BRINP1: variants seen among roughly 807,000 people sequenced by gnomAD.
BRINP1 encodes BMP/retinoic acid-inducible neural-specific protein 1.
BRINP1 carries 17 observed loss-of-function variants against 72.9 expected under a neutral mutation model. The observed-to-expected ratio is 0.23, with a 90% confidence interval of 0.16 to 0.35. BRINP1 has a LOEUF of 0.35. Among genes scored for constraint, BRINP1 ranks in the 10% least tolerant of loss-of-function variants. The probability of loss-of-function intolerance (pLI) is 1.00; values close to 1 mark genes in which losing one functional copy is unlikely to be tolerated. For synonymous variants in BRINP1, 418 were observed against 378.5 expected, an observed-to-expected ratio of 1.10 and a Z score of -1.21; for missense variants, 850 against 1,001.6, an observed-to-expected ratio of 0.85 and a Z score of 2.04.
At chr9:119,185,428 C>T (rs905577957) in intron 7 of BRINP1, among the ~76,000 whole-genome samples, 5 of 152,208 alleles carry the variant, frequency 3.3e-5, no homozygotes, top group African/African-American at 1.2e-4. Context: ...AATATTTCCT[C>T]ACAACATCTC....
At chr9:119,274,329 C>T (rs1830633633) in intron 2 of BRINP1, among the ~76,000 whole-genome samples, 1 of 152,122 alleles carries the variant, frequency 6.6e-6, no homozygotes, top group Admixed American at 6.6e-5. Context: ...AAAACAGGAC[C>T]CTGGGGTGTG....
At chr9:119,291,080 G>A (rs980407105) in intron 2 of BRINP1, among the ~76,000 whole-genome samples, 5 of 146,806 alleles carry the variant, frequency 3.4e-5, no homozygotes, top group Non-Finnish European at 7.4e-5. Context: ...CCGAGATCGC[G>A]CCACTGCACT....
intron 2 of BRINP1, among the ~76,000 whole-genome samples, chr9:119,289,151 C>T (rs16908199): frequency 0.075 from 11,439 of 152,096 alleles, 519 homozygotes; most frequent in Middle Eastern, 0.085. Context: ...AAGCAGAGCA[C>T]GGAGATCAAG....
At chr9:119,280,335 T>C (rs1018362240) in intron 2 of BRINP1, among the ~76,000 whole-genome samples, 2 of 151,532 alleles carry the variant, frequency 1.3e-5, no homozygotes, top group African/African-American at 4.9e-5. Flanking sequence ...CTCTCCTGGG[T>C]TCATACCATT....
At chr9:119,178,771 T>G (rs1829519123) in intron 7 of BRINP1, among the ~76,000 whole-genome samples, 1 of 152,202 alleles carries the variant, frequency 6.6e-6, no homozygotes, top group Admixed American at 6.5e-5. Context: ...GGTATCTGAA[T>G]GTGGAGTACC....
intron 1 of BRINP1, among the ~76,000 whole-genome samples, chr9:119,357,419 G>T (rs890952569): frequency 4.0e-5 from 6 of 151,812 alleles, no homozygotes; most frequent in Admixed American, 3.9e-4. Context: ...CTCCCAGGAA[G>T]AATAAGATTC....
rs1254803243 is a variant in BRINP1 at position 119,368,249 on chromosome 9, T to C, written c.-51+807A>G. 2.0e-5 allele frequency among the ~76,000 whole-genome samples: 3 copies of C among 152,206 alleles called. No individual in the cohort carries two copies. Among genetic ancestry groups the C allele is most frequent in the African/African-American group, 7.2e-5 (3 of 41,450 alleles). The stretch of plus-strand genomic sequence containing the variant: ...AAGCCCCAGATAAGGAGCCCACCGC[T>C]GACTTCCCCCTTTCTCTGTCACCCA... On this transcript the variant is annotated intron_variant, in intron 1 of 7. Coordinates refer to ENST00000265922, the MANE Select transcript of BRINP1 (RefSeq NM_014618.3). The surrounding 1 kb of genome is among the most constrained non-coding windows in gnomAD (Gnocchi z 4.7).
chr9:119,360,834 G>T (rs116213155), intron 1 of BRINP1, among the ~76,000 whole-genome samples: 8 of 152,114 alleles, frequency 5.3e-5, no homozygotes, highest in Non-Finnish European at 1.2e-4. Context: ...CCTTACAAAG[G>T]GTTCTAGCTG....
chr9:119,293,213 G>A (rs1830839972), intron 2 of BRINP1, among the ~76,000 whole-genome samples: 2 of 151,894 alleles, frequency 1.3e-5, no homozygotes, highest in Admixed American at 1.3e-4. Context: ...GCGGGAAAAG[G>A]TGCTAAAATA....
At chr9:119,353,597 T>C (rs1476623932) in intron 1 of BRINP1, among the ~76,000 whole-genome samples, 1 of 152,140 alleles carries the variant, frequency 6.6e-6, no homozygotes, top group African/African-American at 2.4e-5. Context: ...TTAAGAAAAC[T>C]GTTGCTTAGA....
At chr9:119,184,499 G>A (rs1387993315) in intron 7 of BRINP1, among the ~76,000 whole-genome samples, 1 of 152,188 alleles carries the variant, frequency 6.6e-6, no homozygotes, top group African/African-American at 2.4e-5. Context: ...TTGTGGGCTT[G>A]TGCCTCTTAT....
intron 7 of BRINP1, among the ~76,000 whole-genome samples, chr9:119,191,016 C>T (rs1007296169): frequency 4.0e-5 from 6 of 151,852 alleles, no homozygotes; most frequent in African/African-American, 1.4e-4. Flanking sequence ...ATCACATTAA[C>T]AGAATAAAAG....
intron 5 of BRINP1, among the ~76,000 whole-genome samples, chr9:119,222,935 C>T (rs1830055614): frequency 6.6e-6 from 1 of 151,920 alleles, no homozygotes; most frequent in African/African-American, 2.4e-5. Context: ...AGTCATGATA[C>T]AAACCAAATT....
chr9:119,313,726 T>C (rs907372199), intron 1 of BRINP1, among the ~76,000 whole-genome samples: 2 of 152,156 alleles, frequency 1.3e-5, no homozygotes, highest in African/African-American at 4.8e-5. Context: ...CTTACGAGCC[T>C]GTATCTTGGC....
chr9:119,308,719 A>C (rs1345778822), intron 2 of BRINP1, among the ~76,000 whole-genome samples: 3 of 152,196 alleles, frequency 2.0e-5, no homozygotes, highest in Non-Finnish European at 4.4e-5. Flanking sequence ...CCAAGATTTG[A>C]TTTACACTCA....
chr9:119,302,913 T>G (rs1830953933), intron 2 of BRINP1, among the ~76,000 whole-genome samples: 1 of 152,090 alleles, frequency 6.6e-6, no homozygotes. Context: ...ACCCTACAAG[T>G]GCTCCTGAAA....
At position 119,246,255 on chromosome 9, in the gene BRINP1, G is replaced by A. The variant is rs572923906; in HGVS notation, c.409+2705C>T. On this transcript the variant is annotated intron_variant, in intron 3 of 7. Coordinates refer to ENST00000265922, the MANE Select transcript of BRINP1 (RefSeq NM_014618.3). ...TGTTCCTGGGTGTGTCTGTGAGGGT[G>A]TTGCCAAAGGAGATTAACATTTGAG... 1.2e-4 allele frequency among the ~76,000 whole-genome samples: 18 copies of A among 152,286 alleles called. No individual in the cohort carries two copies. In the South Asian group the frequency reaches 3.3e-3, roughly 28 times the overall value.
intron 1 of BRINP1, among the ~76,000 whole-genome samples, chr9:119,334,564 G>A (rs951942057): frequency 6.6e-6 from 1 of 152,150 alleles, no homozygotes; most frequent in Non-Finnish European, 1.5e-5. Flanking sequence ...ACTAAGCTAA[G>A]TGAAAATACC....
chr9:119,285,511 T>A (rs1031762672), intron 2 of BRINP1, among the ~76,000 whole-genome samples: 5 of 152,214 alleles, frequency 3.3e-5, no homozygotes, highest in Admixed American at 1.3e-4. Context: ...AAGGTCCACA[T>A]AGCTAATAAG....
Sources: gnomAD v4.1 joint callset for allele counts (sites outside exome capture counted in the v4.1 genomes callset) on GRCh38, gnomAD v4.1.1 for gene constraint, Gnocchi (gnomAD v3.1) non-coding constraint, MANE v1.5 for transcripts, NCBI Gene and HGNC (gene_info 2026-07-23, HGNC 2026-07-21) for gene names.